SKAP1: variants seen among roughly 807,000 people sequenced by gnomAD.
SKAP1 encodes the protein src kinase associated phosphoprotein 1.
In SKAP1, 44 loss-of-function variants were observed where a neutral mutation model predicts 58.5. The ratio of observed to expected loss-of-function variants is 0.75; its 90% CI spans 0.59 to 0.97. SKAP1 has a LOEUF of 0.97. Among genes scored for constraint, SKAP1 ranks in the 50% least tolerant of loss-of-function variants. SKAP1 has a pLI of 0.00. For synonymous variants in SKAP1, 127 were observed against 149.7 expected (o/e 0.85, Z 1.11); for missense variants, 390 against 435.2 (o/e 0.90, Z 0.92).
At chr17:48,222,250 C>T (rs761131985) in intron 4 of SKAP1, among the ~76,000 whole-genome samples, 60 of 152,120 alleles carry the variant, frequency 3.9e-4, no homozygotes, top group African/African-American at 6.3e-4. Flanking sequence ...GGGTTCCTCA[C>T]GCTAATACAA....
At chr17:48,424,936 A>G (rs1296779549) in intron 1 of SKAP1, among the ~76,000 whole-genome samples, 12 of 150,124 alleles carry the variant, frequency 8.0e-5, no homozygotes, top group African/African-American at 2.9e-4. Context: ...GTCTCAAAAA[A>G]AAAAAAAAGA....
chr17:48,402,256 T>C (rs975371770), intron 1 of SKAP1, among the ~76,000 whole-genome samples: 1 of 151,820 alleles, frequency 6.6e-6, no homozygotes, highest in African/African-American at 2.4e-5. Flanking sequence ...GATCCAGAAA[T>C]TATATTACTA....
intron 11 of SKAP1, among the ~76,000 whole-genome samples, chr17:48,145,301 G>A (rs916394127): frequency 6.6e-6 from 1 of 152,002 alleles, no homozygotes; most frequent in Non-Finnish European, 1.5e-5. Context: ...TGGTCTGGAT[G>A]AATGAAGCAT....
At position 48,137,260 on chromosome 17, in the gene SKAP1, A is replaced by C; in HGVS notation, c.1056T>G (p.Thr352=). ...TTCATCTTTCTTCCACTTCAAAGGCAGTGGTGAGATACTCCTTTGGAACAA... is the reference window on the plus strand; with the variant it reads ...TTCATCTTTCTTCCACTTCAAAGGCCGTGGTGAGATACTCCTTTGGAACAA... ...VGIVPKEYLT[T]AFEVEER is the part of the protein sequence containing the mutation. Residue 352 remains threonine, a synonymous_variant, in exon 12 of 13, where the codon ACT becomes ACG. Coordinates refer to ENST00000336915, the MANE Select transcript of SKAP1 (RefSeq NM_003726.4). The C allele has an allele frequency of 6.2e-7, 1 of 1,613,650 alleles. No homozygotes were observed. Among genetic ancestry groups the C allele is most frequent in the East Asian group, 2.2e-5 (1 of 44,878 alleles).
intron 4 of SKAP1, among the ~76,000 whole-genome samples, chr17:48,331,853 T>C (rs565755200): frequency 6.6e-6 from 1 of 152,322 alleles, no homozygotes; most frequent in African/African-American, 2.4e-5. Flanking sequence ...GGAGAAAATA[T>C]GTTCATTGAA....
rs2067896629 is a variant in SKAP1, at chr17:48,429,928, G to A, written c.46+147C>T. The A allele has an allele frequency of 6.8e-6, 4 of 591,930 alleles. No individual in the cohort carries two copies. In the East Asian group the frequency reaches 1.1e-4, roughly 16 times the overall value. The allele number at this position is 591,930 out of a possible 1,614,324, so 36.7% of individuals were successfully genotyped here. ...CCTGAGGTGAGAGGATGGAAAGCTG[G>A]CTCTAGGGAGTTGAGGGCTCTAGAA... On this transcript the variant is annotated intron_variant, in intron 1 of 12. Coordinates refer to ENST00000336915, the MANE Select transcript of SKAP1 (RefSeq NM_003726.4).
chr17:48,205,036 T>TA (rs1491089400), intron 4 of SKAP1, among the ~76,000 whole-genome samples: 1 of 43,966 alleles, frequency 2.3e-5, no homozygotes, highest in Non-Finnish European at 5.7e-5. Context: ...TCTTTCTTTC[T>TA]TTCTCTCTCT....
rs190661369 is a variant in SKAP1, at chr17:48,333,880, G to A, written c.280+12025C>T. Among the ~76,000 whole-genome samples the A allele has an allele frequency of 5.0e-4, 76 of 152,072 alleles. 1 individual carries two copies. Among genetic ancestry groups the A allele is most frequent in the Admixed American group, 1.3e-3 (20 of 15,282 alleles). On this transcript the variant is annotated intron_variant, in intron 4 of 12. Coordinates refer to ENST00000336915, the MANE Select transcript of SKAP1 (RefSeq NM_003726.4). ...TTTTTGAGAAAGCAAACATGTAATA[G>A]ATTCCACATGAAGAGCTCCTTGAAT...
chr17:48,156,270 G>T (rs1449265580), intron 11 of SKAP1, among the ~76,000 whole-genome samples: 27 of 152,184 alleles, frequency 1.8e-4, no homozygotes, highest in Admixed American at 1.7e-3. Context: ...ATTGGGACAA[G>T]ATTGAAAAGG....
At chr17:48,338,723 A>C (rs938014836) in intron 4 of SKAP1, among the ~76,000 whole-genome samples, 3 of 152,206 alleles carry the variant, frequency 2.0e-5, no homozygotes, top group African/African-American at 7.2e-5. Flanking sequence ...TTGAAAATGA[A>C]AAACGGGTCA....
At chr17:48,428,250 A>G (rs1185291843) in intron 1 of SKAP1, among the ~76,000 whole-genome samples, 3 of 152,082 alleles carry the variant, frequency 2.0e-5, no homozygotes, top group Admixed American at 2.0e-4. Context: ...TTGGTTTCAG[A>G]CTCCTCCATA....
At chr17:48,405,850 T>A (rs1363233891) in intron 1 of SKAP1, among the ~76,000 whole-genome samples, 1 of 151,990 alleles carries the variant, frequency 6.6e-6, no homozygotes, top group Non-Finnish European at 1.5e-5. Flanking sequence ...ACATTTCAAA[T>A]GCTTAATAGC....
At chr17:48,137,768 G>T (rs1345260374) in intron 11 of SKAP1, among the ~76,000 whole-genome samples, 1 of 152,212 alleles carries the variant, frequency 6.6e-6, no homozygotes, top group Non-Finnish European at 1.5e-5. Flanking sequence ...ATGTAATGAT[G>T]AATCAGAAGA....
At chr17:48,420,241 T>G (rs1176038928) in intron 1 of SKAP1, among the ~76,000 whole-genome samples, 1 of 152,230 alleles carries the variant, frequency 6.6e-6, no homozygotes, top group Non-Finnish European at 1.5e-5. Context: ...GTGGTAAAAC[T>G]TGATACTTAC....
intron 6 of SKAP1, 164 bp from the exon 7 acceptor site, chr17:48,185,011 C>A: frequency 3.2e-6 from 2 of 621,632 alleles, no homozygotes; most frequent in Non-Finnish European, 5.4e-6. Flanking sequence ...GAGGCTACTG[C>A]GACAGTAAGG....
At chr17:48,380,569 G>C (rs941047721) in intron 2 of SKAP1, among the ~76,000 whole-genome samples, 1 of 152,138 alleles carries the variant, frequency 6.6e-6, no homozygotes, top group Non-Finnish European at 1.5e-5. Flanking sequence ...GCATCTCCAG[G>C]GTAGGGGCCT....
At chr17:48,363,553 G>A (rs2066962810) in intron 3 of SKAP1, among the ~76,000 whole-genome samples, 1 of 152,194 alleles carries the variant, frequency 6.6e-6, no homozygotes, top group Non-Finnish European at 1.5e-5. Context: ...TATAGCCTTG[G>A]TTTTATAAAA....
chr17:48,143,930 A>G (rs190334428), intron 11 of SKAP1, among the ~76,000 whole-genome samples: 1 of 152,232 alleles, frequency 6.6e-6, no homozygotes, highest in East Asian at 1.9e-4. Flanking sequence ...CTCTCTGCCA[A>G]CTCGAAGAGG....
At chr17:48,232,121 GC>G (rs58404512) in intron 4 of SKAP1, among the ~76,000 whole-genome samples, 80,648 of 152,074 alleles carry the variant, frequency 0.53, 23,154 homozygotes, top group East Asian at 0.77. Flanking sequence ...TAGGAATATA[GC>G]CTGAAAACTG....
Sources: allele counts gnomAD v4.1 joint callset (sites outside exome capture counted in the v4.1 genomes callset), GRCh38; gene constraint gnomAD v4.1.1; transcripts MANE v1.5; gene names NCBI Gene and HGNC (gene_info 2026-07-23, HGNC 2026-07-21).